ZFHX3: variants seen among roughly 807,000 people sequenced by gnomAD.
ZFHX3 encodes zinc finger homeobox protein 3.
A neutral mutation model predicts 279.1 loss-of-function variants in ZFHX3; 42 were observed. The ratio of observed to expected loss-of-function variants is 0.15; its 90% confidence interval spans 0.12 to 0.19. The LOEUF (loss-of-function observed/expected upper bound fraction) is 0.19. ZFHX3 is among the 10% of genes least tolerant of loss of function. ZFHX3 has a pLI of 1.00. For missense variants in ZFHX3, 4,981 were observed against 4,754.0 expected (o/e 1.05, Z -1.40); for synonymous variants, 2,293 against 1,957.8 (o/e 1.17, Z -4.52).
intron 3 of ZFHX3, among the ~76,000 whole-genome samples, chr16:73,352,262 C>A (rs1351039960): frequency 1.3e-5 from 2 of 152,170 alleles, no homozygotes; most frequent in Non-Finnish European, 2.9e-5. Flanking sequence ...CAGTACTCAG[C>A]AACGCTGTGT....
chr16:73,468,782 A>G (rs1229681870), intron 2 of ZFHX3, among the ~76,000 whole-genome samples: 2 of 152,128 alleles, frequency 1.3e-5, no homozygotes, highest in Non-Finnish European at 2.9e-5. Flanking sequence ...AAAAGATTTG[A>G]GTTTTTCTCA....
chr16:73,339,448 T>G (rs1008218638), intron 3 of ZFHX3, among the ~76,000 whole-genome samples: 12 of 152,262 alleles, frequency 7.9e-5, no homozygotes, highest in Non-Finnish European at 2.9e-5. Flanking sequence ...TTAAATGAAC[T>G]CAAATAGTGG....
chr16:72,796,340 T>C lies in ZFHX3; in HGVS notation c.6342A>G (p.Leu2114=), dbSNP rs148892662. The C allele has an allele frequency of 5.0e-6, 8 of 1,613,724 alleles. No homozygotes were observed. The South Asian group carries it at 7.7e-5, about 16-fold the overall frequency. The change falls in exon 9 of 10, where the codon CTA becomes CTG. Residue 2114 remains leucine (L), a synonymous_variant. Coordinates refer to ENST00000268489, the MANE Select transcript of ZFHX3 (RefSeq NM_006885.4). The part of the protein sequence containing the change: ...TMPLQTLPAQ[L]PPQLGPVEPL... ...GCTCCACAGGTCCCAGCTGCGGGGG[T>C]AGCTGAGCCGGCAAGGTCTGCAGCG...
At chr16:73,147,561 G>A (rs796312977) in intron 5 of ZFHX3, among the ~76,000 whole-genome samples, 16 of 150,786 alleles carry the variant, frequency 1.1e-4, no homozygotes, top group African/African-American at 2.9e-4. Context: ...GCGTGGTAGC[G>A]GGCGCCTGTA....
At chr16:73,318,847 T>C (rs1375966973) in intron 3 of ZFHX3, among the ~76,000 whole-genome samples, 1 of 152,112 alleles carries the variant, frequency 6.6e-6, no homozygotes, top group Non-Finnish European at 1.5e-5. Flanking sequence ...CAAAAGGTAA[T>C]AGAACTTTTC....
chr16:73,409,980 G>A (rs2017434326), intron 3 of ZFHX3, among the ~76,000 whole-genome samples: 1 of 152,034 alleles, frequency 6.6e-6, no homozygotes, highest in Admixed American at 6.6e-5. Context: ...AAGGGTAGTG[G>A]GTGGGGCAGG....
chr16:73,428,855 C>A (rs900684401), intron 3 of ZFHX3, among the ~76,000 whole-genome samples: 2 of 152,152 alleles, frequency 1.3e-5, no homozygotes, highest in Admixed American at 1.3e-4. Flanking sequence ...ATTATTGGAA[C>A]TGTCTTCTCT....
chr16:73,323,853 G>T (rs1048962088), intron 3 of ZFHX3, among the ~76,000 whole-genome samples: 3 of 152,186 alleles, frequency 2.0e-5, no homozygotes, highest in Admixed American at 6.5e-5. Context: ...TCTCATAAAG[G>T]ATGAAAACAA....
intron 5 of ZFHX3, among the ~76,000 whole-genome samples, chr16:73,184,219 G>T (rs12149401): frequency 6.6e-6 from 1 of 152,198 alleles, no homozygotes; most frequent in Non-Finnish European, 1.5e-5. Context: ...GGTGTCACCA[G>T]TGTTTCCTCC....
At chr16:73,623,688 T>C (rs1477387288) in intron 2 of ZFHX3, among the ~76,000 whole-genome samples, 1 of 152,216 alleles carries the variant, frequency 6.6e-6, no homozygotes, top group Non-Finnish European at 1.5e-5. Context: ...ATGCTTTGTC[T>C]GACGTGTTGG....
In ZFHX3 at chr16:72,950,802, C is replaced by A. The variant is rs1436108907; in HGVS notation, c.2883G>T (p.Leu961=). 6.2e-7 allele frequency: 1 copy of A among 1,614,208 alleles called. No individual in the cohort carries two copies. Among genetic ancestry groups the A allele is most frequent in the Non-Finnish European group, 8.5e-7 (1 of 1,180,046 alleles). Residue 961 remains leucine (L), a synonymous_variant, in exon 3 of 10, where the codon CTG becomes CTT. Transcript: ENST00000268489. ...NKFTTDNLDM[L]GLHMNVERSL... Reference sequence around the variant, plus strand: ...TGCGCTCCACGTTCATGTGCAGGCCCAGCATGTCCAGGTTGTCCGTCGTGA... The same window carrying A: ...TGCGCTCCACGTTCATGTGCAGGCCAAGCATGTCCAGGTTGTCCGTCGTGA...
rs923213830 is a variant in ZFHX3, at chr16:73,111,996, G to T, written c.-896-18398C>A. On this transcript the variant is annotated intron_variant, in intron 7 of 17. Transcript: ENST00000641206. ...CTCTACCAAGAATCGCTTTAGAGGG[G>T]ACTGGAGAACAGGTTTGCAGTTGTA... Among the ~76,000 whole-genome samples the T allele has an allele frequency of 2.0e-5, 3 of 152,114 alleles. No homozygotes were observed. In the South Asian group the frequency reaches 6.3e-4, roughly 32 times the overall value.
At chr16:73,299,777 G>A (rs575453102) in intron 4 of ZFHX3, among the ~76,000 whole-genome samples, 2 of 152,204 alleles carry the variant, frequency 1.3e-5, no homozygotes, top group South Asian at 2.1e-4. Context: ...AGGATTTGAC[G>A]GAAGCAAACA....
At chr16:73,615,008 C>T (rs190626292) in intron 2 of ZFHX3, among the ~76,000 whole-genome samples, 3 of 152,036 alleles carry the variant, frequency 2.0e-5, no homozygotes, top group Non-Finnish European at 2.9e-5. Flanking sequence ...AATGCACCCA[C>T]GTCGGCCTCC....
intron 8 of ZFHX3, among the ~76,000 whole-genome samples, chr16:73,070,161 C>G (rs2144753860): frequency 6.6e-6 from 1 of 152,308 alleles, no homozygotes; most frequent in East Asian, 1.9e-4. Context: ...GGTCTCCATT[C>G]CTTCCTGGGG....
chr16:73,730,858 C>T (rs1008882948), intron 1 of ZFHX3, among the ~76,000 whole-genome samples: 2 of 152,292 alleles, frequency 1.3e-5, no homozygotes, highest in Admixed American at 6.5e-5. Context: ...ACTTCCAGCT[C>T]TACACAGCCT....
intron 7 of ZFHX3, among the ~76,000 whole-genome samples, chr16:73,093,926 T>C (rs535691075): frequency 3.3e-5 from 5 of 152,286 alleles, no homozygotes; most frequent in African/African-American, 4.8e-5. Context: ...AGCTTAGCTC[T>C]AGCAGGGATG....
intron 1 of ZFHX3, among the ~76,000 whole-genome samples, chr16:73,885,058 AC>A (rs906299201): frequency 6.6e-6 from 1 of 151,610 alleles, no homozygotes; most frequent in African/African-American, 2.4e-5. Context: ...CCCCACCCAG[AC>A]CCTCCCTCTT....
intron 2 of ZFHX3, among the ~76,000 whole-genome samples, chr16:73,603,171 G>A (rs2052140758): frequency 6.6e-6 from 1 of 151,538 alleles, no homozygotes; most frequent in South Asian, 2.1e-4. Context: ...TGTAGTCCCA[G>A]CTACTCAGGA....
Sources: allele counts gnomAD v4.1 joint callset (sites outside exome capture counted in the v4.1 genomes callset), GRCh38; gene constraint gnomAD v4.1.1; transcripts MANE v1.5; gene names NCBI Gene and HGNC (gene_info 2026-07-23, HGNC 2026-07-21).